Variants in MCPH1 observed in about 807,000 individuals in gnomAD.
MCPH1 encodes microcephalin.
Under a neutral mutation model 84.5 loss-of-function variants are expected in MCPH1, and 104 were observed. The ratio of observed to expected loss-of-function variants is 1.23; its 90% confidence interval spans 1.05 to 1.45. The LOEUF (loss-of-function observed/expected upper bound fraction) is 1.45, where lower values mean the gene tolerates loss of function less well. MCPH1 is among the 40% of genes most tolerant of loss of function. The pLI is 0.00. For synonymous variants in MCPH1, 514 were observed against 366.8 expected, an observed-to-expected ratio of 1.40 and a Z score of -4.58; for missense variants, 1,498 against 1,005.7, an observed-to-expected ratio of 1.49 and a Z score of -6.62.
At chr8:6,465,753 CTTTG>C (rs1384788854) in intron 9 of MCPH1, among the ~76,000 whole-genome samples, 1 of 152,148 alleles carries the variant, frequency 6.6e-6, no homozygotes, top group Non-Finnish European at 1.5e-5. Flanking sequence ...TAACAAGCGG[CTTTG>C]TTTGTTATGC....
chr8:6,623,815 G>C (rs1173983807), intron 13 of MCPH1, among the ~76,000 whole-genome samples: 1 of 151,482 alleles, frequency 6.6e-6, no homozygotes, highest in Non-Finnish European at 1.5e-5. Context: ...TTCTGAAACA[G>C]AGGTTGTTGT....
Position 6,480,364 on chromosome 8 carries a change from C to T in MCPH1, c.1974-350C>T, listed in dbSNP as rs553773421. Among the ~76,000 whole-genome samples, 8 of 152,046 alleles carry T rather than the reference C, an allele frequency of 5.3e-5. No individual in the cohort carries two copies. In the South Asian group the frequency reaches 1.0e-3, roughly 20 times the overall value. On this transcript the variant is annotated intron_variant, in intron 10 of 13. Coordinates refer to ENST00000344683, the MANE Select transcript of MCPH1 (RefSeq NM_024596.5). ...TGATCTTGAACTCCTGGTGATCCAC[C>T]CGCCTCGGCCTCCCAAAGTGCCGGG...
chr8:6,421,387 A>G (rs894888), intron 3 of MCPH1, among the ~76,000 whole-genome samples: 93,469 of 151,938 alleles, frequency 0.62, 31,965 homozygotes, highest in East Asian at 0.77. Context: ...AACTACCTGT[A>G]ATACTTCAAC....
chr8:6,438,815 A>G (rs1245404115), intron 5 of MCPH1, 138 bp from the exon 6 acceptor site: 3 of 728,952 alleles, frequency 4.1e-6, no homozygotes, highest in Non-Finnish European at 7.0e-6. Context: ...TGGAGGTAGA[A>G]TATTAGCAGG....
chr8:6,430,113 A>C (rs1186429231), intron 3 of MCPH1, among the ~76,000 whole-genome samples: 4 of 152,166 alleles, frequency 2.6e-5, no homozygotes, highest in Admixed American at 6.5e-5. Flanking sequence ...GTCAGAGTTG[A>C]GTCTGGTGAT....
chr8:6,506,402 A>T (rs899976378), intron 12 of MCPH1, among the ~76,000 whole-genome samples: 1 of 151,960 alleles, frequency 6.6e-6, no homozygotes, highest in Non-Finnish European at 1.5e-5. Context: ...TTCCAATTAC[A>T]TTCTCAGTCC....
chr8:6,561,742 G>A (rs1314204799), intron 12 of MCPH1, among the ~76,000 whole-genome samples: 3 of 152,066 alleles, frequency 2.0e-5, no homozygotes, highest in Non-Finnish European at 2.9e-5. Flanking sequence ...TTCCAGGTTC[G>A]TTTTGGATTT....
At chr8:6,459,928 G>A (rs1032555282) in intron 9 of MCPH1, among the ~76,000 whole-genome samples, 1 of 152,182 alleles carries the variant, frequency 6.6e-6, no homozygotes, top group African/African-American at 2.4e-5. Flanking sequence ...GGTGTGGCCC[G>A]GGGATGGATG....
intron 13 of MCPH1, among the ~76,000 whole-genome samples, chr8:6,639,266 T>C (rs768243001): frequency 2.0e-5 from 3 of 152,140 alleles, no homozygotes; most frequent in African/African-American, 4.8e-5. Flanking sequence ...ACTCAAACAG[T>C]AGACAAGTAC....
At chr8:6,520,348 T>C (rs1308227777) in intron 12 of MCPH1, among the ~76,000 whole-genome samples, 4 of 152,208 alleles carry the variant, frequency 2.6e-5, no homozygotes, top group African/African-American at 7.2e-5. Context: ...GTAAACTTAG[T>C]ATGGAAGAAT....
At chr8:6,552,315 G>A (rs540108656) in intron 12 of MCPH1, among the ~76,000 whole-genome samples, 8 of 152,304 alleles carry the variant, frequency 5.3e-5, no homozygotes, top group Admixed American at 3.3e-4. Flanking sequence ...CCATATTCAC[G>A]CAGTCACAGC....
intron 12 of MCPH1, among the ~76,000 whole-genome samples, chr8:6,505,262 T>TTA (rs1405057883): frequency 1.7e-4 from 4 of 23,438 alleles, no homozygotes; most frequent in Admixed American, 1.3e-3. Context: ...TATATATGTT[T>TTA]TATATATATG....
chr8:6,407,674 G>A (rs758962527), intron 1 of MCPH1, among the ~76,000 whole-genome samples: 1 of 152,120 alleles, frequency 6.6e-6, no homozygotes, highest in Admixed American at 6.6e-5. Context: ...TTAGTATTTT[G>A]TTAAATTAAC....
rs187692720 is a variant in MCPH1, at chr8:6,467,609, G to A, written c.1936-9985G>A. On this transcript the variant is annotated intron_variant, in intron 9 of 13. Coordinates refer to ENST00000344683, the MANE Select transcript of MCPH1 (RefSeq NM_024596.5). ...TGGTATAATTCTTTTTTTTTGTTTT[G>A]TTTAAAGACAGGGTCTTGCTCTGTT... Among the ~76,000 whole-genome samples, 921 of 151,436 alleles carry A rather than the reference G, an allele frequency of 6.1e-3. 11 individuals are homozygous for A. Among genetic ancestry groups the A allele is most frequent in the African/African-American group, 0.021 (885 of 41,376 alleles).
chr8:6,520,687 C>T (rs2442620), intron 12 of MCPH1, among the ~76,000 whole-genome samples: 10,770 of 152,228 alleles, frequency 0.071, 461 homozygotes, highest in African/African-American at 0.11. Flanking sequence ...TGATCCACCA[C>T]ACCTGGCCCT....
chr8:6,578,941 C>T (rs974627745), intron 12 of MCPH1, among the ~76,000 whole-genome samples: 3 of 152,170 alleles, frequency 2.0e-5, no homozygotes, highest in Admixed American at 2.0e-4. Flanking sequence ...GTTTTTCGTT[C>T]ATAAATGGCC....
At chr8:6,551,942 G>A (rs192998025) in intron 12 of MCPH1, among the ~76,000 whole-genome samples, 23 of 152,166 alleles carry the variant, frequency 1.5e-4, no homozygotes, top group East Asian at 9.6e-4. Context: ...CAAAGACTAC[G>A]CAGTCTAATA....
At chr8:6,529,578 TC>T (rs1248170771) in intron 12 of MCPH1, among the ~76,000 whole-genome samples, 1 of 149,368 alleles carries the variant, frequency 6.7e-6, no homozygotes, top group Non-Finnish European at 1.5e-5. Flanking sequence ...TCACTAAGCC[TC>T]CCAAGTAACT....
chr8:6,523,486 A>G (rs2129569829), intron 12 of MCPH1, among the ~76,000 whole-genome samples: 1 of 152,352 alleles, frequency 6.6e-6, no homozygotes, highest in South Asian at 2.1e-4. Flanking sequence ...AGCCAGAGGA[A>G]ACAAATCCAA....
Sources: gnomAD v4.1 joint callset for allele counts (sites outside exome capture counted in the v4.1 genomes callset) on GRCh38, gnomAD v4.1.1 for gene constraint, MANE v1.5 for transcripts, NCBI Gene and HGNC (gene_info 2026-07-23, HGNC 2026-07-21) for gene names.